CNTNAP5: variants seen among roughly 807,000 people sequenced by gnomAD.
CNTNAP5 encodes contactin-associated protein-like 5.
Under a neutral mutation model 150.2 loss-of-function variants are expected in CNTNAP5, and 72 were observed. The observed-to-expected ratio is 0.48, with a 90% confidence interval of 0.40 to 0.58. The LOEUF (loss-of-function observed/expected upper bound fraction) is 0.58, where lower values mean the gene tolerates loss of function less well. Among genes scored for constraint, CNTNAP5 ranks in the 20% least tolerant of loss-of-function variants. The pLI is 0.00. For missense variants in CNTNAP5, 1,636 were observed against 1,626.2 expected (o/e 1.01, Z -0.10); for synonymous variants, 672 against 619.8 (o/e 1.08, Z -1.25).
intron 19 of CNTNAP5, among the ~76,000 whole-genome samples, chr2:124,843,500 A>G (rs1415324746): frequency 1.3e-5 from 2 of 152,248 alleles, no homozygotes; most frequent in South Asian, 2.1e-4. Flanking sequence ...TCTTTTTCAT[A>G]TAATGAATTC....
chr2:124,077,496 T>C (rs527707080), intron 1 of CNTNAP5, among the ~76,000 whole-genome samples: 3 of 152,260 alleles, frequency 2.0e-5, no homozygotes, highest in Non-Finnish European at 2.9e-5. Flanking sequence ...TGTGGCCCCA[T>C]AGCAGTGTCT....
At chr2:124,476,602 A>G (rs1181279783) in intron 7 of CNTNAP5, among the ~76,000 whole-genome samples, 1 of 152,158 alleles carries the variant, frequency 6.6e-6, no homozygotes, top group Non-Finnish European at 1.5e-5. Context: ...TTGTGATCGC[A>G]GTTGATACCA....
intron 13 of CNTNAP5, among the ~76,000 whole-genome samples, chr2:124,657,584 T>G (rs75913280): frequency 3.3e-5 from 5 of 152,136 alleles, no homozygotes; most frequent in African/African-American, 1.2e-4. Context: ...GCAGCCAGAG[T>G]GATAATCTTT....
rs1695951172 is a variant in CNTNAP5 at position 124,563,960 on chromosome 2, GCTGAAGTGCA to G, written c.1756+638_1756+647del. Among the ~76,000 whole-genome samples the G allele has an allele frequency of 3.9e-5, 6 of 152,296 alleles. No homozygotes were observed. In the South Asian group the frequency reaches 1.2e-3, roughly 32 times the overall value. ...GTGGGCACACCCAACCTCAATAGGGGCTGAAGTGCAATCTTGCCGTGGAATGGGAGAAAAC... is the reference window on the plus strand; with the variant it reads ...GTGGGCACACCCAACCTCAATAGGGGATCTTGCCGTGGAATGGGAGAAAAC... On this transcript the variant is annotated intron_variant, in intron 11 of 23. Transcript: ENST00000682447.
chr2:124,337,675 G>C (rs1029696924), intron 3 of CNTNAP5, among the ~76,000 whole-genome samples: 11 of 152,272 alleles, frequency 7.2e-5, no homozygotes, highest in African/African-American at 2.6e-4. Flanking sequence ...TCAAAGATCA[G>C]ATAGTTGTAG....
intron 3 of CNTNAP5, among the ~76,000 whole-genome samples, chr2:124,300,005 G>A (rs1267323829): frequency 1.3e-5 from 2 of 152,186 alleles, no homozygotes; most frequent in African/African-American, 4.8e-5. Flanking sequence ...GTATGGCTAG[G>A]AAGTTTAGGA....
At chr2:124,388,579 C>A (rs1690994434) in intron 3 of CNTNAP5, among the ~76,000 whole-genome samples, 1 of 152,244 alleles carries the variant, frequency 6.6e-6, no homozygotes, top group Non-Finnish European at 1.5e-5. Flanking sequence ...ACTCTCAGAG[C>A]ATTTATATGT....
chr2:124,211,958 G>T (rs143106286), intron 1 of CNTNAP5, among the ~76,000 whole-genome samples: 6 of 152,160 alleles, frequency 3.9e-5, no homozygotes, highest in Non-Finnish European at 8.8e-5. Flanking sequence ...ATCATGATTA[G>T]CTGTTGGAAG....
intron 13 of CNTNAP5, among the ~76,000 whole-genome samples, chr2:124,733,615 A>G (rs17393410): frequency 0.16 from 23,981 of 152,186 alleles, 2,222 homozygotes; most frequent in South Asian, 0.22. Flanking sequence ...AAGTAGACCA[A>G]TATGAAAAGT....
chr2:124,683,927 G>A (rs1363831848), intron 13 of CNTNAP5, among the ~76,000 whole-genome samples: 1 of 152,176 alleles, frequency 6.6e-6, no homozygotes, highest in Non-Finnish European at 1.5e-5. Context: ...GTAGTAATTT[G>A]TGAAATACCA....
In CNTNAP5 at chr2:124,772,961, G is replaced by C. The variant is rs750201319; in HGVS notation, c.2696G>C (p.Arg899Thr). Residue 899 changes from arginine (R) to threonine (T), a missense_variant, in exon 17 of 24, where the codon AGG (arginine) becomes ACG (threonine). Transcript: ENST00000682447. ...GTGGACAACCTTCCAAGGAGCACCA[G>C]GGAGACGTCGGAGGAGGGCCATTTT... ...LQVDNLPRST[R>T]ETSEEGHFRL... 6.2e-7 allele frequency: 1 copy of C among 1,613,712 alleles called. No homozygotes were observed. The highest frequency in any genetic ancestry group is 2.2e-5 in the East Asian group (1 of 44,852).
intron 1 of CNTNAP5, among the ~76,000 whole-genome samples, chr2:124,113,611 T>C (rs4340523): frequency 0.3 from 44,944 of 151,492 alleles, 7,231 homozygotes; most frequent in Admixed American, 0.38. Context: ...ATATGTCATC[T>C]CATCTTACTG....
At chr2:124,445,421 A>C (rs1294287829) in intron 5 of CNTNAP5, among the ~76,000 whole-genome samples, 1 of 152,326 alleles carries the variant, frequency 6.6e-6, no homozygotes, top group East Asian at 1.9e-4. Flanking sequence ...TATAGGAGAA[A>C]GAAAGGGAGG....
chr2:124,581,160 T>C (rs1298198524), intron 11 of CNTNAP5, among the ~76,000 whole-genome samples: 1 of 152,186 alleles, frequency 6.6e-6, no homozygotes, highest in African/African-American at 2.4e-5. Flanking sequence ...AGGCTGGAAG[T>C]CACTAACCCT....
intron 11 of CNTNAP5, among the ~76,000 whole-genome samples, chr2:124,564,633 C>T (rs1695971830): frequency 6.6e-6 from 1 of 152,140 alleles, no homozygotes; most frequent in Non-Finnish European, 1.5e-5. Context: ...GGATTACAGG[C>T]CTGAGCCACT....
At chr2:124,296,703 G>A (rs1472658668) in intron 3 of CNTNAP5, among the ~76,000 whole-genome samples, 1 of 152,068 alleles carries the variant, frequency 6.6e-6, no homozygotes, top group African/African-American at 2.4e-5. Context: ...TTAGTATAGA[G>A]ACCTTGACTT....
At chr2:124,259,614 A>G (rs1687402131) in intron 3 of CNTNAP5, among the ~76,000 whole-genome samples, 1 of 152,132 alleles carries the variant, frequency 6.6e-6, no homozygotes, top group Admixed American at 6.5e-5. Context: ...GCCAGTGATG[A>G]TGAGCATTTT....
At chr2:124,237,244 GA>G (rs2104760786) in intron 2 of CNTNAP5, among the ~76,000 whole-genome samples, 1 of 152,198 alleles carries the variant, frequency 6.6e-6, no homozygotes, top group East Asian at 1.9e-4. Flanking sequence ...CTCTTTTTTT[GA>G]AAGACGGTTG....
At chr2:124,038,909 G>A (rs1035379499) in intron 1 of CNTNAP5, among the ~76,000 whole-genome samples, 23 of 152,226 alleles carry the variant, frequency 1.5e-4, no homozygotes, top group Admixed American at 1.0e-3. Flanking sequence ...CACAGCAGCA[G>A]AGCCACACTG....
Sources: allele counts gnomAD v4.1 joint callset (sites outside exome capture counted in the v4.1 genomes callset), GRCh38; gene constraint gnomAD v4.1.1; transcripts MANE v1.5; gene names NCBI Gene and HGNC (gene_info 2026-07-23, HGNC 2026-07-21).